The following DNAH7 variants were observed in gnomAD, a reference collection of about 807,000 sequenced individuals.
DNAH7 encodes the protein dynein axonemal heavy chain 7, also known as axonemal beta dynein heavy chain 7.
DNAH7 carries 397 observed loss-of-function variants against 444.6 expected under a neutral mutation model. The observed-to-expected ratio is 0.89, with a 90% CI of 0.82 to 0.97. The LOEUF (loss-of-function observed/expected upper bound fraction) is 0.97. Among genes scored for constraint, DNAH7 ranks in the 50% least tolerant of loss-of-function variants. The pLI is 0.00. For missense variants in DNAH7, 4,902 were observed against 4,800.8 expected (o/e 1.02, Z -0.62); for synonymous variants, 1,636 against 1,624.4 (o/e 1.01, Z -0.17).
intron 9 of DNAH7, among the ~76,000 whole-genome samples, chr2:196,015,232 A>G (rs1694944393): frequency 6.6e-6 from 1 of 152,148 alleles, no homozygotes; most frequent in Non-Finnish European, 1.5e-5. Flanking sequence ...ACAGTTTCTC[A>G]GTATAGTTTT....
chr2:195,810,997 G>A (rs1311366730), intron 51 of DNAH7, among the ~76,000 whole-genome samples: 1 of 152,118 alleles, frequency 6.6e-6, no homozygotes. Flanking sequence ...CTTGTAGACA[G>A]AAAGATTGAA....
chr2:195,971,363 A>G (rs1691828477), intron 16 of DNAH7, among the ~76,000 whole-genome samples: 2 of 152,098 alleles, frequency 1.3e-5, no homozygotes, highest in South Asian at 4.1e-4. Context: ...CTGTGCTGGG[A>G]AGTGGATATA....
chr2:195,847,301 C>A (rs1256471970), intron 46 of DNAH7, among the ~76,000 whole-genome samples: 1 of 151,656 alleles, frequency 6.6e-6, no homozygotes, highest in Non-Finnish European at 1.5e-5. Context: ...CCATGGAATA[C>A]TATGCAGCCA....
Position 195,771,836 on chromosome 2 carries a change from C to A in DNAH7, c.11257G>T (p.Ala3753Ser). Residue 3753 changes from alanine (A) to serine (S), a missense_variant, in exon 61 of 65, where the codon GCT (alanine) becomes TCT (serine). Physicochemically the swap from Ala to Ser is moderately conservative, Grantham distance 99. Transcript: ENST00000312428. ...KSSDEVVNEV[A>S]SDILGKLPNN... ...GGAAGTTTGCCCAAGATGTCACTAG[C>A]GACCTCATTCACTACTTCATCTGAT... 6.2e-7 allele frequency: 1 copy of A among 1,614,126 alleles called. No homozygotes were observed. Among genetic ancestry groups the A allele is most frequent in the Non-Finnish European group, 8.5e-7 (1 of 1,180,014 alleles).
Position 196,019,150 on chromosome 2 carries a change from A to G in DNAH7, c.869+20T>C, listed in dbSNP as rs773117791. 1 of 1,421,116 alleles carries G rather than the reference A, an allele frequency of 7.0e-7. No individual in the cohort carries two copies. Among genetic ancestry groups the G allele is most frequent in the Non-Finnish European group, 9.3e-7 (1 of 1,074,650 alleles). 88.0% of individuals were successfully genotyped at this position (1,421,116 alleles called of 1,614,324 possible). A position where few individuals can be genotyped will look rare whatever the true frequency, so the allele number is the denominator to read the frequency against. Reference sequence around the variant, plus strand: ...TTCCCTCTATATTTTAAAAACCTCTATAAGGCCACATATACTCACTTAAAA... The same window carrying G: ...TTCCCTCTATATTTTAAAAACCTCTGTAAGGCCACATATACTCACTTAAAA... On this transcript the variant is annotated intron_variant, in intron 9 of 64. Transcript: ENST00000312428.
In DNAH7 at chr2:195,804,167, TGAAAAAG is replaced by T. The variant is rs931898405; in HGVS notation, c.10176+2566_10176+2572del. 7.9e-5 allele frequency among the ~76,000 whole-genome samples: 12 copies of T among 152,188 alleles called. No individual in the cohort carries two copies. The South Asian group carries it at 2.5e-3, about 32-fold the overall frequency. ...GGCTATACAGATTATCTCTTAGAGGTGAAAAAGAAATAAACTCTTATAGAGTACTAGC... is the reference window on the plus strand; with the variant it reads ...GGCTATACAGATTATCTCTTAGAGGTAAATAAACTCTTATAGAGTACTAGC... On this transcript the variant is annotated intron_variant, in intron 54 of 64. Transcript: ENST00000312428.
chr2:196,048,592 T>A (rs1697275087), intron 3 of DNAH7, among the ~76,000 whole-genome samples, 188 bp from the exon 4 acceptor site: 1 of 152,174 alleles, frequency 6.6e-6, no homozygotes, highest in Non-Finnish European at 1.5e-5. Context: ...TGGGGGACAT[T>A]AACAAAAGTC....
At chr2:195,938,201 G>T (rs1689179423) in intron 19 of DNAH7, among the ~76,000 whole-genome samples, 2 of 151,884 alleles carry the variant, frequency 1.3e-5, no homozygotes, top group Admixed American at 1.3e-4. Flanking sequence ...TTTAATCAAA[G>T]AAAATAATTA....
intron 51 of DNAH7, 123 bp downstream of exon 51, chr2:195,816,505 A>C: frequency 1.0e-5 from 7 of 699,448 alleles, no homozygotes; most frequent in Non-Finnish European, 1.7e-5. Context: ...ATGATTAATC[A>C]AGTTCATTTT....
In DNAH7 at chr2:196,048,326, G is replaced by A; in HGVS notation, c.220C>T (p.Pro74Ser). The A allele has an allele frequency of 6.2e-7, 1 of 1,613,784 alleles. No individual in the cohort carries two copies. The highest frequency in any genetic ancestry group is 8.5e-7 in the Non-Finnish European group (1 of 1,179,846). ...SVKQDDESPE[P>S]FSVKNEQSHA... Reference sequence around the variant, plus strand: ...GACTGTTCATTTTTAACACTAAATGGTTCTGGACTCTCATCATCCTGCTTT... The same window carrying A: ...GACTGTTCATTTTTAACACTAAATGATTCTGGACTCTCATCATCCTGCTTT... Residue 74 changes from proline to serine, a missense_variant, in exon 4 of 65, where the codon CCA becomes TCA. Coordinates refer to ENST00000312428, the MANE Select transcript of DNAH7 (RefSeq NM_018897.3).
chr2:196,005,303 C>CAA (rs969143318), intron 10 of DNAH7, among the ~76,000 whole-genome samples: 14 of 140,826 alleles, frequency 9.9e-5, no homozygotes, highest in African/African-American at 2.0e-4. Flanking sequence ...AACAAACAAA[C>CAA]AAAAATATAT....
rs375329584 is a variant in DNAH7, at chr2:195,888,350, C to G, written c.5314G>C (p.Ala1772Pro). 6.2e-7 allele frequency: 1 copy of G among 1,610,188 alleles called. No homozygotes were observed. The highest frequency in any genetic ancestry group is 8.5e-7 in the Non-Finnish European group (1 of 1,178,890). The change falls in exon 33 of 65, where the codon GCG becomes CCG. Residue 1772 changes from alanine to proline, a missense_variant. Transcript: ENST00000312428. ...LMLSWVNLLP[A>P]SVSVIQKEFI... Reference sequence around the variant, plus strand: ...TCCTTTTGAATAACACTGACTGACGCAGGTAACAGATTCACCCAGGACAAC... The same window carrying G: ...TCCTTTTGAATAACACTGACTGACGGAGGTAACAGATTCACCCAGGACAAC...
intron 47 of DNAH7, among the ~76,000 whole-genome samples, chr2:195,841,113 C>A (rs1482556157): frequency 6.6e-6 from 1 of 151,868 alleles, no homozygotes; most frequent in Non-Finnish European, 1.5e-5. Flanking sequence ...AACAAACCCA[C>A]ATGCATGTGA....
At position 195,881,929 on chromosome 2, in the gene DNAH7, C is replaced by T. The variant is rs543157487; in HGVS notation, c.5827G>A (p.Val1943Ile). 11 of 1,613,976 alleles carry T rather than the reference C, an allele frequency of 6.8e-6. No individual in the cohort carries two copies. The South Asian group carries it at 9.9e-5, about 14-fold the overall frequency. The change falls in exon 36 of 65, where the codon GTA becomes ATA. Residue 1943 changes from valine (V) to isoleucine (I), a missense_variant. Coordinates refer to ENST00000312428, the MANE Select transcript of DNAH7 (RefSeq NM_018897.3). ...LKEAPPIPKD[V>I]MFNEIIVPTL... Reference sequence around the variant, plus strand: ...GGCACAATGATTTCATTAAACATTACATCTTTAGGAATTGGAGGAGCTTCT... The same window carrying T: ...GGCACAATGATTTCATTAAACATTATATCTTTAGGAATTGGAGGAGCTTCT...
At chr2:195,854,952 T>G (rs1464921129) in intron 45 of DNAH7, among the ~76,000 whole-genome samples, 3 of 152,158 alleles carry the variant, frequency 2.0e-5, no homozygotes, top group Non-Finnish European at 4.4e-5. Context: ...GAATACAGGA[T>G]AGTTACTATA....
At chr2:195,987,002 G>A (rs912702906) in intron 14 of DNAH7, 64 bp downstream of exon 14, 1 of 1,396,064 alleles carries the variant, frequency 7.2e-7, no homozygotes, top group Non-Finnish European at 9.6e-7. Flanking sequence ...CTCTAGTTGA[G>A]TGACAGCTGA....
chr2:195,819,742 G>A (rs1697371986), intron 49 of DNAH7, among the ~76,000 whole-genome samples: 1 of 152,170 alleles, frequency 6.6e-6, no homozygotes, highest in South Asian at 2.1e-4. Flanking sequence ...AAGGACACCT[G>A]AGCTAAAACT....
At position 195,737,759 on chromosome 2, in the gene DNAH7, A is replaced by C. The variant is rs1692719247; in HGVS notation, c.*162T>G. The C allele has an allele frequency of 3.3e-6, 2 of 605,458 alleles. No individual in the cohort carries two copies. The highest frequency in any genetic ancestry group is 6.0e-5 in the Admixed American group (2 of 33,106). 37.5% of individuals were successfully genotyped at this position (605,458 alleles called of 1,614,324 possible). A position where few individuals can be genotyped will look rare whatever the true frequency, so the allele number is the denominator to read the frequency against. On this transcript the variant is annotated 3_prime_UTR_variant, in exon 65 of 65. Transcript: ENST00000312428. ...GAACATTTCCTTACATTTAAGTATGAGTCATATTAAGTTTAGCTGCATTTG... is the reference window on the plus strand; with the variant it reads ...GAACATTTCCTTACATTTAAGTATGCGTCATATTAAGTTTAGCTGCATTTG...
At chr2:195,827,938 T>G (rs1346064747) in intron 48 of DNAH7, among the ~76,000 whole-genome samples, 1 of 152,162 alleles carries the variant, frequency 6.6e-6, no homozygotes, top group African/African-American at 2.4e-5. Flanking sequence ...GTTGTAGAAA[T>G]TTTCAAGGCT....
Sources: gnomAD v4.1 joint callset for allele counts (sites outside exome capture counted in the v4.1 genomes callset) on GRCh38, gnomAD v4.1.1 for gene constraint, MANE v1.5 for transcripts, NCBI Gene and HGNC (gene_info 2026-07-23, HGNC 2026-07-21) for gene names.